Variants in THSD7B observed in about 807,000 individuals in gnomAD.
THSD7B encodes thrombospondin type-1 domain-containing protein 7B.
In THSD7B, 138 loss-of-function variants were observed where a neutral mutation model predicts 213.6. The ratio of observed to expected loss-of-function variants is 0.65; its 90% CI spans 0.56 to 0.74. The LOEUF is 0.74. Among genes scored for constraint, THSD7B ranks in the 30% least tolerant of loss-of-function variants. The probability of loss-of-function intolerance (pLI) is 0.00; values close to 1 mark genes in which losing one functional copy is unlikely to be tolerated. For synonymous variants in THSD7B, 742 were observed against 687.0 expected, an observed-to-expected ratio of 1.08 and a Z score of -1.25; for missense variants, 1,931 against 1,991.5, an observed-to-expected ratio of 0.97 and a Z score of 0.58.
At chr2:137,433,633 C>T (rs1037430753) in intron 14 of THSD7B, among the ~76,000 whole-genome samples, 16 of 152,142 alleles carry the variant, frequency 1.1e-4, no homozygotes, top group African/African-American at 3.9e-4. Flanking sequence ...GGATTACAGG[C>T]ATGAGCCTCC....
At chr2:136,956,914 G>A (rs570983689) in intron 2 of THSD7B, among the ~76,000 whole-genome samples, 6 of 152,044 alleles carry the variant, frequency 3.9e-5, no homozygotes, top group African/African-American at 9.7e-5. Context: ...TTCTGATCTC[G>A]TGATCTGCCT....
At chr2:136,855,609 A>ATTTATTTATTTATTTG (rs1221948433) in intron 1 of THSD7B, among the ~76,000 whole-genome samples, 1 of 139,494 alleles carries the variant, frequency 7.2e-6, no homozygotes, top group African/African-American at 2.6e-5. Flanking sequence ...TTTATTATTT[A>ATTTATTTATTTATTTG]TTTATTTATT....
intron 12 of THSD7B, among the ~76,000 whole-genome samples, chr2:137,330,375 A>G (rs1382560635): frequency 6.6e-6 from 1 of 152,130 alleles, no homozygotes; most frequent in African/African-American, 2.4e-5. Context: ...ACAGACACTA[A>G]AGCCAGTCTG....
intron 3 of THSD7B, among the ~76,000 whole-genome samples, chr2:137,079,785 A>G (rs962639542): frequency 2.0e-5 from 3 of 152,048 alleles, no homozygotes; most frequent in African/African-American, 7.2e-5. Context: ...TTAATTTTAC[A>G]TGTATTAATT....
At chr2:137,288,116 C>T (rs1011380338) in intron 12 of THSD7B, among the ~76,000 whole-genome samples, 2 of 151,966 alleles carry the variant, frequency 1.3e-5, no homozygotes, top group Non-Finnish European at 2.9e-5. Context: ...GTTTTCATTT[C>T]TAAAGAGAAC....
At chr2:137,000,497 C>T (rs1685981559) in intron 2 of THSD7B, among the ~76,000 whole-genome samples, 1 of 152,084 alleles carries the variant, frequency 6.6e-6, no homozygotes, top group Non-Finnish European at 1.5e-5. Flanking sequence ...ATTATTAACA[C>T]TGTTATTACA....
At chr2:137,449,828 A>G (rs137983439) in intron 14 of THSD7B, among the ~76,000 whole-genome samples, 1 of 152,256 alleles carries the variant, frequency 6.6e-6, no homozygotes, top group Non-Finnish European at 1.5e-5. Flanking sequence ...AAACTGATTA[A>G]CTGATGTGGC....
At chr2:137,505,943 C>A (rs1351726719) in intron 15 of THSD7B, among the ~76,000 whole-genome samples, 1 of 152,162 alleles carries the variant, frequency 6.6e-6, no homozygotes, top group Non-Finnish European at 1.5e-5. Flanking sequence ...CTTTAATTAT[C>A]TGGTACCTGG....
At position 137,657,179 on chromosome 2, in the gene THSD7B, C is replaced by T; in HGVS notation, c.4375+19C>T. The T allele has an allele frequency of 6.2e-7, 1 of 1,610,228 alleles. No homozygotes were observed. Among genetic ancestry groups the T allele is most frequent in the Non-Finnish European group, 8.5e-7 (1 of 1,177,180 alleles). On this transcript the variant is annotated intron_variant, in intron 24 of 27. Transcript: ENST00000409968. ...GTCACAGGTATTCCTGCCTAAGACT[C>T]ATGTGGGCACTTCACAAACACCCCT...
chr2:136,857,776 T>C (rs1035660051), intron 1 of THSD7B, among the ~76,000 whole-genome samples: 7 of 152,218 alleles, frequency 4.6e-5, no homozygotes, highest in African/African-American at 1.7e-4. Context: ...CACATAATAA[T>C]TGCATTTTTA....
intron 2 of THSD7B, among the ~76,000 whole-genome samples, chr2:136,921,219 CA>C (rs778515013): frequency 0.32 from 31,342 of 96,450 alleles, 3,681 homozygotes; most frequent in East Asian, 0.5. Context: ...TCTGGACACT[CA>C]AAAAAAAAAA....
At chr2:137,563,470 G>T (rs1372675534) in intron 16 of THSD7B, 116 bp downstream of exon 16, 20 of 1,319,940 alleles carry the variant, frequency 1.5e-5, no homozygotes, top group South Asian at 3.0e-5. Context: ...ATATACTCTG[G>T]TTTTTTCTCA....
At position 137,242,588 on chromosome 2, in the gene THSD7B, G is replaced by A. The variant is rs529173982; in HGVS notation, c.2266+16G>A. On this transcript the variant is annotated intron_variant, in intron 10 of 27. Coordinates refer to ENST00000409968, the MANE Select transcript of THSD7B (RefSeq NM_001316349.2). ...TGCCAAGCAGGTAGGTGGATGCTGC[G>A]TTCTTAGTTCTTTCTTCCCTAACCT... 50 of 1,577,134 alleles carry A rather than the reference G, an allele frequency of 3.2e-5. No homozygotes were observed. Among genetic ancestry groups the A allele is most frequent in the South Asian group, 4.4e-5 (4 of 90,256 alleles).
chr2:136,889,408 T>C (rs1683776828), intron 2 of THSD7B, among the ~76,000 whole-genome samples: 1 of 152,198 alleles, frequency 6.6e-6, no homozygotes, highest in Admixed American at 6.5e-5. Flanking sequence ...ATTGACTCTC[T>C]GTTATGTTAG....
intron 21 of THSD7B, among the ~76,000 whole-genome samples, chr2:137,651,531 A>T (rs1683137322): frequency 6.6e-6 from 1 of 151,596 alleles, no homozygotes; most frequent in Non-Finnish European, 1.5e-5. Flanking sequence ...TGATCATTTG[A>T]TCTTCTGTAT....
chr2:136,847,192 G>A lies in THSD7B; in HGVS notation c.-35-34952G>A, dbSNP rs144857178. Among the ~76,000 whole-genome samples, 648 of 152,270 alleles carry A rather than the reference G, an allele frequency of 4.3e-3. 4 individuals carry two copies. Among genetic ancestry groups the A allele is most frequent in the African/African-American group, 0.015 (621 of 41,552 alleles). On this transcript the variant is annotated intron_variant, in intron 1 of 27. Coordinates refer to ENST00000409968, the MANE Select transcript of THSD7B (RefSeq NM_001316349.2). ...CCACTTAGAGAGGACTCTGTTACTG[G>A]CCGAGGGGCCAGTATTGCTAATAAA...
intron 3 of THSD7B, 74 bp from the exon 4 acceptor site, chr2:137,094,799 A>G: frequency 4.6e-6 from 7 of 1,506,946 alleles, no homozygotes; most frequent in Non-Finnish European, 6.2e-6. Flanking sequence ...TTTTTTTCTC[A>G]TGGTAGGCAC....
intron 2 of THSD7B, among the ~76,000 whole-genome samples, chr2:137,003,552 A>G (rs1161317906): frequency 6.6e-6 from 1 of 152,194 alleles, no homozygotes; most frequent in Non-Finnish European, 1.5e-5. Context: ...ATTACATTTC[A>G]CGTAATGATC....
chr2:137,071,056 A>G (rs1227720337), intron 3 of THSD7B, among the ~76,000 whole-genome samples: 1 of 152,208 alleles, frequency 6.6e-6, no homozygotes, highest in African/African-American at 2.4e-5. Context: ...AGCATGATTT[A>G]TAATCCTTTG....
Sources: allele counts gnomAD v4.1 joint callset (sites outside exome capture counted in the v4.1 genomes callset), GRCh38; gene constraint gnomAD v4.1.1; transcripts MANE v1.5; gene names NCBI Gene and HGNC (gene_info 2026-07-23, HGNC 2026-07-21).